ATRX: variants seen among roughly 807,000 people sequenced by gnomAD.
The protein encoded by ATRX is chromatin remodeler ATRX.
ATRX carries 12 observed loss-of-function variants against 172.6 expected under a neutral mutation model. That is an observed-to-expected ratio of 0.07 (90% CI 0.04 to 0.11). The LOEUF is 0.11. Among genes scored for constraint, ATRX ranks in the 10% least tolerant of loss-of-function variants. ATRX has a pLI of 1.00. For missense variants in ATRX, 1,368 were observed against 1,767.4 expected (o/e 0.77, Z 4.05); for synonymous variants, 674 against 594.7 (o/e 1.13, Z -1.94).
At chrX:77,644,525 A>G (rs2068811919) in intron 15 of ATRX, among the ~76,000 whole-genome samples, 2 of 111,751 alleles carry the variant, frequency 1.8e-5, no homozygotes, top group Admixed American at 1.9e-4. Context: ...TGGCACATGT[A>G]TACCTATGTA....
intron 25 of ATRX, 37 bp downstream of exon 25, chrX:77,599,374 A>C (rs782564023): frequency 8.3e-7 from 1 of 1,200,802 alleles, no homozygotes; most frequent in African/African-American, 1.7e-5. Flanking sequence ...TTTCCAAATT[A>C]CTGTTCCATG....
At position 77,614,193 on chromosome X, in the gene ATRX, C is replaced by T. The variant is rs782507587; in HGVS notation, c.5566+2420G>A. 7.2e-5 allele frequency among the ~76,000 whole-genome samples: 8 copies of T among 111,853 alleles called. No homozygotes were observed. In the South Asian group the frequency reaches 2.9e-3, roughly 41 times the overall value. On this transcript the variant is annotated intron_variant, in intron 22 of 34. Transcript: ENST00000373344. Reference sequence around the variant, plus strand: ...AAAAATTTCTGGAATATTTAACAGACAAAATACCAAACATTTTAAATGCAA... The same window carrying T: ...AAAAATTTCTGGAATATTTAACAGATAAAATACCAAACATTTTAAATGCAA...
intron 22 of ATRX, among the ~76,000 whole-genome samples, chrX:77,601,901 C>T (rs2066691827): frequency 8.9e-6 from 1 of 112,043 alleles, no homozygotes; most frequent in Admixed American, 9.5e-5. Flanking sequence ...TATAATTTCT[C>T]GGCATACAGC....
chrX:77,558,063 A>C (rs1197371023), intron 29 of ATRX, among the ~76,000 whole-genome samples: 1 of 111,259 alleles, frequency 9.0e-6, no homozygotes, highest in East Asian at 2.8e-4. Flanking sequence ...GCTATCAACA[A>C]ACACCATAAA....
At chrX:77,635,093 C>A (rs1197252887) in intron 16 of ATRX, among the ~76,000 whole-genome samples, 2 of 111,081 alleles carry the variant, frequency 1.8e-5, no homozygotes, top group Non-Finnish European at 3.8e-5. Context: ...ACCAGCCTGG[C>A]CAACATGGTG....
intron 34 of ATRX, among the ~76,000 whole-genome samples, chrX:77,516,076 G>A (rs1286601227): frequency 9.0e-6 from 1 of 111,454 alleles, no homozygotes; most frequent in Non-Finnish European, 1.9e-5. Flanking sequence ...GCTGACCAGA[G>A]GTTGGAGGCT....
chrX:77,536,583 T>C (rs964343082), intron 30 of ATRX, among the ~76,000 whole-genome samples: 5 of 112,062 alleles, frequency 4.5e-5, no homozygotes, highest in African/African-American at 1.3e-4. Context: ...CAAATATCTA[T>C]ATTAATTCAG....
intron 34 of ATRX, among the ~76,000 whole-genome samples, chrX:77,513,656 G>A (rs1357049482): frequency 1.1e-4 from 12 of 111,483 alleles, no homozygotes; most frequent in Non-Finnish European, 2.1e-4. Context: ...ACATTATACT[G>A]AATGGGCAAA....
chrX:77,681,896 ATCTTCTTTCATGGAATAT>A lies in ATRX; in HGVS notation c.3342_3359del (p.Lys1114_Asp1120delinsAsn). On this transcript the variant is annotated inframe_deletion, in exon 9 of 35. Transcript: ENST00000373344. ...GTCTCTTATCAGAAGAGTTACAACC[ATCTTCTTTCATGGAATAT>A]TTCTCAGTATCAGATGATGAACAAT... 1 of 1,209,581 alleles carries A rather than the reference ATCTTCTTTCATGGAATAT, an allele frequency of 8.3e-7. No homozygotes were observed. Among genetic ancestry groups the A allele is most frequent in the Non-Finnish European group, 1.1e-6 (1 of 894,322 alleles).
At chrX:77,607,711 A>G (rs1478818859) in intron 22 of ATRX, among the ~76,000 whole-genome samples, 1 of 99,247 alleles carries the variant, frequency 1.0e-5, no homozygotes, top group African/African-American at 4.1e-5. Context: ...TCTGTCTCAA[A>G]AAAAAAAAAA....
chrX:77,713,644 T>C (rs1425951074), intron 2 of ATRX, among the ~76,000 whole-genome samples: 1 of 111,815 alleles, frequency 8.9e-6, no homozygotes, highest in East Asian at 2.8e-4. Flanking sequence ...ATTGTAAGTA[T>C]ATACTGATAC....
At position 77,748,012 on chromosome X, in the gene ATRX, T is replaced by C. The variant is rs782687901; in HGVS notation, c.21-30769A>G. On this transcript the variant is annotated intron_variant, in intron 1 of 34. Coordinates refer to ENST00000373344, the MANE Select transcript of ATRX (RefSeq NM_000489.6). ...TAAAGAAGGGGAGAAGAACAAAATC[T>C]AGGTTTCCTGACAGAAAATAATCAT... 6.3e-5 allele frequency among the ~76,000 whole-genome samples: 7 copies of C among 111,536 alleles called. No individual in the cohort carries two copies. In the South Asian group the frequency reaches 2.6e-3, roughly 42 times the overall value.
chrX:77,694,027 G>A (rs1263236571), intron 5 of ATRX, 90 bp from the exon 6 acceptor site: 4 of 710,210 alleles, frequency 5.6e-6, no homozygotes, highest in Admixed American at 4.7e-5. Flanking sequence ...AACATTGCTG[G>A]TACATAGTTT....
intron 21 of ATRX, 101 bp from the exon 22 acceptor site, chrX:77,616,831 T>A: frequency 1.7e-6 from 1 of 584,116 alleles, no homozygotes; most frequent in Non-Finnish European, 2.9e-6. Flanking sequence ...CATAAATAAA[T>A]AGGCACTAAA....
At chrX:77,674,877 C>T (rs2070789782) in intron 10 of ATRX, 2 of 111,485 alleles carry the variant, frequency 1.8e-5, no homozygotes, top group Non-Finnish European at 3.8e-5. Context: ...ATTCTGGAAC[C>T]TACCACCTAT....
chrX:77,667,313 G>A (rs2070308365), intron 10 of ATRX, among the ~76,000 whole-genome samples: 1 of 106,585 alleles, frequency 9.4e-6, no homozygotes, highest in African/African-American at 3.4e-5. Flanking sequence ...GTGTGTGTGT[G>A]TGTGTGTGTG....
intron 1 of ATRX, among the ~76,000 whole-genome samples, chrX:77,743,118 G>A (rs781941665): frequency 1.8e-5 from 2 of 110,988 alleles, no homozygotes; most frequent in Non-Finnish European, 3.8e-5. Flanking sequence ...ATTTGAGCAC[G>A]ATTAATTGCC....
At chrX:77,570,259 G>A (rs1376941519) in intron 28 of ATRX, among the ~76,000 whole-genome samples, 1 of 109,126 alleles carries the variant, frequency 9.2e-6, no homozygotes, top group Non-Finnish European at 1.9e-5. Flanking sequence ...GCTCACTGCA[G>A]CCTCGACCTC....
At chrX:77,766,498 C>T (rs1317145359) in intron 1 of ATRX, among the ~76,000 whole-genome samples, 1 of 106,446 alleles carries the variant, frequency 9.4e-6, no homozygotes, top group Non-Finnish European at 1.9e-5. Flanking sequence ...CTCCTCACTT[C>T]TCAGACGGGG....
Sources: allele counts gnomAD v4.1 joint callset (sites outside exome capture counted in the v4.1 genomes callset), GRCh38; gene constraint gnomAD v4.1.1; transcripts MANE v1.5; gene names NCBI Gene and HGNC (gene_info 2026-07-23, HGNC 2026-07-21).